RAB31: variants seen among roughly 807,000 people sequenced by gnomAD.
The protein encoded by RAB31 is RAB31, member RAS oncogene family.
In RAB31, 21 loss-of-function variants were observed where a neutral mutation model predicts 25.6. The ratio of observed to expected loss-of-function variants is 0.82; its 90% CI spans 0.58 to 1.18. RAB31 has a LOEUF of 1.18. Ranked by LOEUF, RAB31 falls within the 50% of genes most tolerant of loss-of-function variation. The pLI, the probability that RAB31 is intolerant of heterozygous loss-of-function variation, is 0.00. For synonymous variants in RAB31, 87 were observed against 84.0 expected (o/e 1.04, Z -0.20); for missense variants, 196 against 250.1 (o/e 0.78, Z 1.46).
intron 5 of RAB31, among the ~76,000 whole-genome samples, chr18:9,839,719 C>T (rs906907955): frequency 3.9e-5 from 6 of 152,056 alleles, no homozygotes; most frequent in African/African-American, 1.2e-4. Context: ...TGTGTCCAGA[C>T]GTGGAAGAGA....
chr18:9,761,682 G>T (rs977732716), intron 1 of RAB31, among the ~76,000 whole-genome samples: 1 of 152,188 alleles, frequency 6.6e-6, no homozygotes, highest in Non-Finnish European at 1.5e-5. Context: ...TGTTGTATAT[G>T]TGCCCTGAGG....
chr18:9,800,213 A>T (rs2068507012), intron 3 of RAB31, among the ~76,000 whole-genome samples: 1 of 152,194 alleles, frequency 6.6e-6, no homozygotes, highest in Non-Finnish European at 1.5e-5. Flanking sequence ...AGAGGTGAAG[A>T]GCTGGGGATA....
chr18:9,855,601 C>T (rs147037977), intron 6 of RAB31, among the ~76,000 whole-genome samples: 9 of 152,232 alleles, frequency 5.9e-5, no homozygotes, highest in Admixed American at 2.0e-4. Context: ...GCCCTAAGAT[C>T]GGGGTTTGCG....
intron 5 of RAB31, among the ~76,000 whole-genome samples, chr18:9,843,868 G>A (rs1016600549): frequency 6.6e-6 from 1 of 152,186 alleles, no homozygotes; most frequent in Non-Finnish European, 1.5e-5. Flanking sequence ...TAGGACTGAA[G>A]GGTCTTCCCC....
In RAB31 at chr18:9,859,631, A is replaced by G. The variant is rs1312080607; in HGVS notation, c.*306A>G. The G allele has an allele frequency of 8.4e-6, 2 of 239,062 alleles. No homozygotes were observed. The allele number at this position is 239,062 out of a possible 1,614,324, so 14.8% of individuals were successfully genotyped here. On this transcript the variant is annotated 3_prime_UTR_variant, in exon 7 of 7. Coordinates refer to ENST00000578921, the MANE Select transcript of RAB31 (RefSeq NM_006868.4). ...CTTTAAAAATTGTTGGATGTGTACA[A>G]AAGTCTTACTGCCTTATTATGTGTA...
At chr18:9,795,806 A>G (rs1424844468) in intron 3 of RAB31, among the ~76,000 whole-genome samples, 6 of 152,238 alleles carry the variant, frequency 3.9e-5, no homozygotes, top group African/African-American at 2.4e-5. Context: ...TAGTATAACC[A>G]CTGTGGAAAA....
chr18:9,802,861 CT>C (rs1162552969), intron 3 of RAB31, among the ~76,000 whole-genome samples: 1 of 152,230 alleles, frequency 6.6e-6, no homozygotes, highest in Admixed American at 6.5e-5. Context: ...CAAAGAAACT[CT>C]TTTGCTGTCT....
chr18:9,791,104 TG>T (rs2068457349), intron 2 of RAB31, among the ~76,000 whole-genome samples: 1 of 152,184 alleles, frequency 6.6e-6, no homozygotes, highest in Admixed American at 6.5e-5. Flanking sequence ...CATAAGTATG[TG>T]TTAAGCTGCC....
At chr18:9,780,679 C>T (rs192290352) in intron 2 of RAB31, among the ~76,000 whole-genome samples, 70 of 152,182 alleles carry the variant, frequency 4.6e-4, no homozygotes, top group African/African-American at 1.7e-3. Flanking sequence ...GCCTGTAATC[C>T]CAGCACTTTG....
intron 1 of RAB31, chr18:9,726,087 T>C (rs2045229): frequency 0.72 from 109,203 of 152,170 alleles, 39,402 homozygotes; most frequent in African/African-American, 0.74. Flanking sequence ...AAAGGCCATG[T>C]GGGAAGTGGA....
At chr18:9,769,069 C>G (rs2068330921) in intron 1 of RAB31, among the ~76,000 whole-genome samples, 1 of 152,156 alleles carries the variant, frequency 6.6e-6, no homozygotes. Flanking sequence ...TGTTTTCATA[C>G]CAGTACCATG....
chr18:9,759,534 C>T (rs983264257), intron 1 of RAB31, among the ~76,000 whole-genome samples: 4 of 149,152 alleles, frequency 2.7e-5, no homozygotes, highest in African/African-American at 7.4e-5. Context: ...GAGGGACCCT[C>T]TCACCAAAAA....
chr18:9,851,856 CATA>C (rs1212803212), intron 6 of RAB31, among the ~76,000 whole-genome samples: 2 of 151,648 alleles, frequency 1.3e-5, no homozygotes, highest in Admixed American at 6.6e-5. Context: ...TCTCATATTT[CATA>C]ATATTTCATA....
intron 3 of RAB31, among the ~76,000 whole-genome samples, chr18:9,808,137 T>A (rs1279611448): frequency 2.0e-5 from 3 of 152,196 alleles, no homozygotes; most frequent in Non-Finnish European, 4.4e-5. Context: ...CCCAGCTTCC[T>A]CCTGGTACTG....
chr18:9,742,977 C>T (rs1215852553), intron 1 of RAB31, among the ~76,000 whole-genome samples: 1 of 152,102 alleles, frequency 6.6e-6, no homozygotes, highest in Non-Finnish European at 1.5e-5. Flanking sequence ...TTTTAAAAAA[C>T]CAAAGCTGTC....
intron 1 of RAB31, among the ~76,000 whole-genome samples, chr18:9,741,839 G>A (rs2068181000): frequency 6.6e-6 from 1 of 152,208 alleles, no homozygotes; most frequent in Non-Finnish European, 1.5e-5. Flanking sequence ...CGGTTCCTCT[G>A]TCTGCTTTAT....
chr18:9,757,080 T>C (rs1396528153), intron 1 of RAB31, among the ~76,000 whole-genome samples: 2 of 152,178 alleles, frequency 1.3e-5, no homozygotes, highest in African/African-American at 4.8e-5. Context: ...TCAGTATGAG[T>C]TGGCGTTCAG....
At chr18:9,720,321 T>C (rs990792309) in intron 1 of RAB31, among the ~76,000 whole-genome samples, 2 of 152,186 alleles carry the variant, frequency 1.3e-5, no homozygotes, top group Middle Eastern at 3.2e-3. Context: ...GTTTCTGTCC[T>C]TGAGGTTTAC....
At chr18:9,794,628 A>G (rs147895961) in intron 3 of RAB31, among the ~76,000 whole-genome samples, 393 of 152,264 alleles carry the variant, frequency 2.6e-3, no homozygotes, top group African/African-American at 7.2e-3. Context: ...CAGCCTGGCC[A>G]ATATGGTAAA....
Sources: allele counts gnomAD v4.1 joint callset (sites outside exome capture counted in the v4.1 genomes callset), GRCh38; gene constraint gnomAD v4.1.1; transcripts MANE v1.5; gene names NCBI Gene and HGNC (gene_info 2026-07-23, HGNC 2026-07-21).